ZC3H7A: variants seen among roughly 807,000 people sequenced by gnomAD.
ZC3H7A encodes zinc finger CCCH-type containing 7A.
Under a neutral mutation model 125.5 loss-of-function variants are expected in ZC3H7A, and 44 were observed. The observed-to-expected ratio is 0.35, with a 90% CI of 0.28 to 0.45. ZC3H7A has a LOEUF of 0.45. Among genes scored for constraint, ZC3H7A ranks in the 20% least tolerant of loss-of-function variants. ZC3H7A has a pLI of 1.00. For synonymous variants in ZC3H7A, 399 were observed against 391.2 expected (o/e 1.02, Z -0.23); for missense variants, 977 against 1,170.7 (o/e 0.83, Z 2.41).
chr16:11,761,769 C>T, intron 18 of ZC3H7A, 141 bp downstream of exon 18: 1 of 1,204,946 alleles, frequency 8.3e-7, no homozygotes. Flanking sequence ...AAAATCTCTT[C>T]CCTTGTGTCT....
rs34038330 is a variant in ZC3H7A at position 11,768,520 on chromosome 16, G to GAAAA, written c.1174-23_1174-20dup. 109 of 1,148,940 alleles carry GAAAA rather than the reference G, an allele frequency of 9.5e-5. No individual in the cohort carries two copies. The highest frequency in any genetic ancestry group is 6.1e-4 in the South Asian group (20 of 33,014). The allele number at this position is 1,148,940 out of a possible 1,614,324, so 71.2% of individuals were successfully genotyped here. Reference sequence around the variant, plus strand: ...CATTCATCTGCAAGAAAAATAAGAAGAAAAAAAAAAAAAACAGCCAACAAA... The same window carrying GAAAA: ...CATTCATCTGCAAGAAAAATAAGAAGAAAAAAAAAAAAAAAAAACAGCCAACAAA... On this transcript the variant is annotated intron_variant, in intron 11 of 22. Transcript: ENST00000355758.
chr16:11,793,722 TG>T (rs1180393001), intron 1 of ZC3H7A, among the ~76,000 whole-genome samples: 2 of 152,192 alleles, frequency 1.3e-5, no homozygotes, highest in Admixed American at 1.3e-4. Flanking sequence ...CAAAAGCACC[TG>T]GGGCACAAGG....
intron 19 of ZC3H7A, 25 bp from the exon 20 acceptor site, chr16:11,758,564 T>C: frequency 8.3e-6 from 13 of 1,571,760 alleles, no homozygotes; most frequent in Non-Finnish European, 1.1e-5. Context: ...AGGAATATGA[T>C]TAAGACAAAG....
rs2053096317 is a variant in ZC3H7A at position 11,777,263 on chromosome 16, A to G, written c.307-354T>C. ...TTACCCTTTGCTGGAGCACATTAAG[A>G]TGTCAAACAGAAACGTAACTCCAAA... On this transcript the variant is annotated intron_variant, in intron 4 of 22. Coordinates refer to ENST00000355758, the MANE Select transcript of ZC3H7A (RefSeq NM_014153.4). Among the ~76,000 whole-genome samples, 3 of 152,178 alleles carry G rather than the reference A, an allele frequency of 2.0e-5. No homozygotes were observed. In the South Asian group the frequency reaches 6.2e-4, roughly 32 times the overall value.
chr16:11,769,901 C>T (rs1263362638), intron 10 of ZC3H7A, among the ~76,000 whole-genome samples: 1 of 145,998 alleles, frequency 6.8e-6, no homozygotes, highest in Non-Finnish European at 1.5e-5. Context: ...GGAATCCTCC[C>T]ACCTCCACCT....
chr16:11,779,750 G>C (rs1031585671), intron 3 of ZC3H7A, among the ~76,000 whole-genome samples: 1 of 152,080 alleles, frequency 6.6e-6, no homozygotes, highest in East Asian at 1.9e-4. Flanking sequence ...GTTTCTAGTG[G>C]TTTACTTTAT....
intron 19 of ZC3H7A, 23 bp from the exon 20 acceptor site, chr16:11,758,562 G>A: frequency 1.3e-6 from 2 of 1,571,924 alleles, no homozygotes; most frequent in East Asian, 4.5e-5. Flanking sequence ...ATAGGAATAT[G>A]ATTAAGACAA....
intron 4 of ZC3H7A, among the ~76,000 whole-genome samples, chr16:11,777,139 C>T (rs2141201994): frequency 6.6e-6 from 1 of 152,212 alleles, no homozygotes; most frequent in African/African-American, 2.4e-5. Context: ...CAGACAAATG[C>T]TAATATTTGG....
chr16:11,780,604 C>A (rs2053159789), intron 3 of ZC3H7A, among the ~76,000 whole-genome samples: 1 of 152,122 alleles, frequency 6.6e-6, no homozygotes, highest in Non-Finnish European at 1.5e-5. Flanking sequence ...CATCTTTAGA[C>A]CCCAGGTCCA....
chr16:11,782,420 G>A (rs542743774), intron 1 of ZC3H7A, 32 bp from the exon 2 acceptor site: 1 of 1,587,078 alleles, frequency 6.3e-7, no homozygotes, highest in South Asian at 1.1e-5. Context: ...AAGCACATAA[G>A]GTACCAGGGT....
At chr16:11,788,928 T>C (rs552941580) in intron 1 of ZC3H7A, among the ~76,000 whole-genome samples, 29 of 152,258 alleles carry the variant, frequency 1.9e-4, no homozygotes, top group South Asian at 1.7e-3. Flanking sequence ...AGATATTCTA[T>C]AGAACGATTC....
chr16:11,776,293 TA>T (rs922206944), intron 7 of ZC3H7A, 26 bp downstream of exon 7: 38 of 1,582,892 alleles, frequency 2.4e-5, no homozygotes, highest in Non-Finnish European at 3.2e-5. Context: ...AAAAAAAATA[TA>T]ATTTTGACAG....
At chr16:11,766,720 T>TA (rs1173884530) in intron 13 of ZC3H7A, among the ~76,000 whole-genome samples, 1 of 151,940 alleles carries the variant, frequency 6.6e-6, no homozygotes, top group Non-Finnish European at 1.5e-5. Context: ...CTGTCTCTAC[T>TA]AAAAATACAA....
Position 11,767,590 on chromosome 16 carries a change from G to A in ZC3H7A, c.1361-12C>T. The A allele has an allele frequency of 6.4e-7, 1 of 1,550,704 alleles. No homozygotes were observed. The highest frequency in any genetic ancestry group is 1.2e-5 in the South Asian group (1 of 80,792). ...CATTAACTTAGGGCCTGAAAAAGAT[G>A]TAAAGAGGATTGCTTATATGCACAA... On this transcript the variant is annotated splice_polypyrimidine_tract_variant and intron_variant, in intron 12 of 22. Coordinates refer to ENST00000355758, the MANE Select transcript of ZC3H7A (RefSeq NM_014153.4).
At chr16:11,767,860 A>T (rs2141182336) in intron 12 of ZC3H7A, among the ~76,000 whole-genome samples, 1 of 152,346 alleles carries the variant, frequency 6.6e-6, no homozygotes, top group Middle Eastern at 3.4e-3. Context: ...GATGGCTTAT[A>T]AATCAGAATA....
Position 11,776,780 on chromosome 16 carries a change from C to T in ZC3H7A, c.436G>A (p.Val146Ile), listed in dbSNP as rs539360046. Residue 146 changes from valine to isoleucine, a missense_variant, in exon 5 of 23, where the codon GTA (valine) becomes ATA (isoleucine). By Grantham distance (29) the Val-to-Ile change is conservative. Transcript: ENST00000355758. ...GGCACTGCTAAGGAGCACTTTGCTA[C>T]AGCATCGTAAGCCTTTTTGTATCTT... ...LGRYKKAYDA[V>I]AKCSLAVPQD... 42 of 1,611,998 alleles carry T rather than the reference C, an allele frequency of 2.6e-5. No individual in the cohort carries two copies. The East Asian group carries it at 6.9e-4, about 27-fold the overall frequency.
rs1365430025 is a variant in ZC3H7A, at chr16:11,761,473, A to G, written c.2252T>C (p.Ile751Thr). 5.6e-6 allele frequency: 9 copies of G among 1,614,008 alleles called. No homozygotes were observed. The South Asian group carries it at 6.6e-5, about 12-fold the overall frequency. Residue 751 changes from isoleucine to threonine, a missense_variant, in exon 19 of 23, where the codon ATT becomes ACT. This residue lies in a region of ZC3H7A where 436 missense variants were observed against 603.2 expected (regional missense o/e 0.72). Transcript: ENST00000355758. ...GATGTTCATCCACTTCTTACGTTCA[A>G]TAGACATCACTCTCATCGCACGCCG... Reference protein sequence around the residue: ...KDRRAMRVMSIERKKWMNIRP... With the variant: ...KDRRAMRVMSTERKKWMNIRP...
chr16:11,756,645 A>G lies in ZC3H7A; in HGVS notation c.2429-275T>C, dbSNP rs543794622. 3.9e-4 allele frequency among the ~76,000 whole-genome samples: 60 copies of G among 152,354 alleles called. 1 individual carries two copies. The highest frequency in any genetic ancestry group is 1.4e-3 in the African/African-American group (59 of 41,588). On this transcript the variant is annotated intron_variant, in intron 20 of 22. Transcript: ENST00000355758. ...TTTGCACGACACTTTGGGGATGTTT[A>G]AAACTCAGAAACCATTATAAACAGT...
At chr16:11,764,977 A>G (rs2052829998) in intron 15 of ZC3H7A, 76 bp downstream of exon 15, 2 of 994,400 alleles carry the variant, frequency 2.0e-6, no homozygotes, top group Non-Finnish European at 3.0e-6. Context: ...CTGGACAGAC[A>G]TTACTACTAG....
Sources: gnomAD v4.1 joint callset for allele counts (sites outside exome capture counted in the v4.1 genomes callset) on GRCh38, gnomAD v4.1.1 for gene constraint, gnomAD v4.1.1 regional missense constraint, MANE v1.5 for transcripts, NCBI Gene and HGNC (gene_info 2026-07-23, HGNC 2026-07-21) for gene names.